KIF26B: variants seen among roughly 807,000 people sequenced by gnomAD.
The protein encoded by KIF26B is kinesin-like protein KIF26B.
A neutral mutation model predicts 151.2 loss-of-function variants in KIF26B; 63 were observed. The observed-to-expected ratio is 0.42, with a 90% confidence interval of 0.34 to 0.51. KIF26B has a LOEUF of 0.51. Among genes scored for constraint, KIF26B ranks in the 20% least tolerant of loss-of-function variants. The pLI is 0.07. For missense variants in KIF26B, 2,813 were observed against 2,913.6 expected, an observed-to-expected ratio of 0.97 and a Z score of 0.79; for synonymous variants, 1,357 against 1,262.1, an observed-to-expected ratio of 1.08 and a Z score of -1.59.
At chr1:245,213,744 C>T (rs544444713) in intron 2 of KIF26B, among the ~76,000 whole-genome samples, 1 of 152,164 alleles carries the variant, frequency 6.6e-6, no homozygotes, top group Non-Finnish European at 1.5e-5. Context: ...TTGTTCTGCC[C>T]GTTCCTTACT....
chr1:245,313,871 A>G (rs1036035734), intron 2 of KIF26B, among the ~76,000 whole-genome samples: 1 of 152,136 alleles, frequency 6.6e-6, no homozygotes, highest in Non-Finnish European at 1.5e-5. Flanking sequence ...ACTGAGGCCC[A>G]TCCTGATTTG....
chr1:245,676,346 T>C (rs2044357280), intron 10 of KIF26B: 1 of 152,214 alleles, frequency 6.6e-6, no homozygotes. Flanking sequence ...GAAGGATAAA[T>C]GAGTAATAAA....
At chr1:245,411,669 C>T (rs1297086443) in intron 3 of KIF26B, among the ~76,000 whole-genome samples, 1 of 152,160 alleles carries the variant, frequency 6.6e-6, no homozygotes, top group Non-Finnish European at 1.5e-5. Flanking sequence ...GACATCTGCT[C>T]CTTAGAGGGA....
rs1410568034 is a variant in KIF26B, at chr1:245,560,880, G to C, written c.1350+19930G>C. On this transcript the variant is annotated intron_variant, in intron 5 of 14. Transcript: ENST00000407071. This position sits in a 1 kb window ranked among gnomAD's most constrained non-coding sequence, Gnocchi z 4.3. ...TGGAGAGAAAAGATTCTGGATTTGGGCGGTCTCACCTCCAAAATTGCAGCC... is the reference window on the plus strand; with the variant it reads ...TGGAGAGAAAAGATTCTGGATTTGGCCGGTCTCACCTCCAAAATTGCAGCC... 6.6e-6 allele frequency among the ~76,000 whole-genome samples: 1 copy of C among 152,176 alleles called. No individual in the cohort carries two copies. Among genetic ancestry groups the C allele is most frequent in the Non-Finnish European group, 1.5e-5 (1 of 68,042 alleles).
At chr1:245,566,381 C>A (rs1166319399) in intron 5 of KIF26B, among the ~76,000 whole-genome samples, 3 of 152,236 alleles carry the variant, frequency 2.0e-5, no homozygotes, top group African/African-American at 7.2e-5. Context: ...ACAGGCTCCT[C>A]ACGGATTTTG....
chr1:245,161,948 G>T (rs12090927), intron 2 of KIF26B, among the ~76,000 whole-genome samples: 19,561 of 152,062 alleles, frequency 0.13, 1,926 homozygotes, highest in African/African-American at 0.28. Flanking sequence ...CTGAGTTGAG[G>T]AATTGTCTTG....
At chr1:245,493,519 C>T (rs182828268) in intron 4 of KIF26B, among the ~76,000 whole-genome samples, 8 of 152,338 alleles carry the variant, frequency 5.3e-5, no homozygotes, top group Non-Finnish European at 1.2e-4. Flanking sequence ...GCCAAGGCAG[C>T]GTGGCAACGG....
At position 245,367,325 on chromosome 1, in the gene KIF26B, G is replaced by C; in HGVS notation, c.957G>C (p.Trp319Cys). 1 of 1,596,172 alleles carries C rather than the reference G, an allele frequency of 6.3e-7. No individual in the cohort carries two copies. The highest frequency in any genetic ancestry group is 8.5e-7 in the Non-Finnish European group (1 of 1,171,462). The change falls in exon 3 of 15, where the codon TGG becomes TGC. Residue 319 changes from tryptophan to cysteine, a missense_variant. This residue lies in a region of KIF26B where 676 missense variants were observed against 688.1 expected (regional missense o/e 0.98). Transcript: ENST00000407071. This position sits in a 1 kb window ranked among gnomAD's most constrained non-coding sequence, Gnocchi z 4.2. ...IQAHQYLDGT[W>C]SLSRTNGVTL... ...CTCACCAGTACCTGGATGGCACCTG[G>C]TCCCTGTCGAGAACCAACGGGGTCA... is the stretch of plus-strand genomic sequence containing the variant.
chr1:245,694,120 GA>G (rs2044659035), intron 12 of KIF26B, among the ~76,000 whole-genome samples: 1 of 152,212 alleles, frequency 6.6e-6, no homozygotes, highest in African/African-American at 2.4e-5. Context: ...GCTCGGCATC[GA>G]GGAGAGCTTT....
intron 1 of KIF26B, 62 bp downstream of exon 1, chr1:245,155,549 T>TA: frequency 7.1e-7 from 1 of 1,416,646 alleles, no homozygotes; most frequent in Non-Finnish European, 9.8e-7. Context: ...GAGGTCCCCC[T>TA]TTCCCCGGGA....
rs1432029709 is a variant in KIF26B, at chr1:245,502,811, G to T, written c.1167-37956G>T. On this transcript the variant is annotated intron_variant, in intron 4 of 14. Coordinates refer to ENST00000407071, the MANE Select transcript of KIF26B (RefSeq NM_018012.4). ...ACCAACTGTTTTGTCATGACAGGGGGATATCTCTGAAAAATTTCTGTATTA... is the reference window on the plus strand; with the variant it reads ...ACCAACTGTTTTGTCATGACAGGGGTATATCTCTGAAAAATTTCTGTATTA... Among the ~76,000 whole-genome samples, 4 of 151,590 alleles carry T rather than the reference G, an allele frequency of 2.6e-5. No individual in the cohort carries two copies. In the East Asian group the frequency reaches 7.7e-4, roughly 29 times the overall value.
At chr1:245,284,067 G>C (rs1267431400) in intron 2 of KIF26B, among the ~76,000 whole-genome samples, 1 of 152,188 alleles carries the variant, frequency 6.6e-6, no homozygotes, top group African/African-American at 2.4e-5. Context: ...TAGCCCATCA[G>C]AGGCAACCAC....
intron 4 of KIF26B, among the ~76,000 whole-genome samples, chr1:245,527,197 G>C (rs1417593823): frequency 6.6e-6 from 1 of 152,216 alleles, no homozygotes; most frequent in African/African-American, 2.4e-5. Context: ...CTTGAAATCA[G>C]ATTATCTGGG....
intron 2 of KIF26B, among the ~76,000 whole-genome samples, chr1:245,294,731 C>T (rs4658746): frequency 0.48 from 72,128 of 151,796 alleles, 17,493 homozygotes; most frequent in East Asian, 0.66. Flanking sequence ...GGCATGATCT[C>T]GGCTCACTGC....
chr1:245,415,086 G>A (rs1467022802), intron 3 of KIF26B, among the ~76,000 whole-genome samples: 3 of 152,164 alleles, frequency 2.0e-5, no homozygotes, highest in Non-Finnish European at 4.4e-5. Context: ...ATAACTTAAT[G>A]TTGTTTCCAA....
chr1:245,521,340 T>TAA (rs5782356), intron 4 of KIF26B, among the ~76,000 whole-genome samples: 10 of 136,222 alleles, frequency 7.3e-5, no homozygotes, highest in African/African-American at 2.8e-4. Context: ...GACTCCGTCT[T>TAA]AAAAAAAAAA....
chr1:245,679,457 G>GTTTT lies in KIF26B; in HGVS notation c.2259-4750_2259-4747dup, dbSNP rs35663208. 3.2e-3 allele frequency among the ~76,000 whole-genome samples: 187 copies of GTTTT among 59,212 alleles called. 23 individuals are homozygous for GTTTT. The highest frequency in any genetic ancestry group is 7.2e-3 in the African/African-American group (122 of 16,832). 38.8% of individuals were successfully genotyped at this position (59,212 alleles called of 152,430 possible). ...GGTTTTTTGTGTTTTTTTTGTGTGT[G>GTTTT]TTTTTTTTTTTTTTTTTTTTTTTTT... is the stretch of plus-strand genomic sequence containing the variant. On this transcript the variant is annotated intron_variant, in intron 10 of 14. Transcript: ENST00000407071.
chr1:245,682,856 G>C (rs1163491892), intron 10 of KIF26B, among the ~76,000 whole-genome samples: 1 of 152,198 alleles, frequency 6.6e-6, no homozygotes, highest in African/African-American at 2.4e-5. Context: ...GCGGCTGTCC[G>C]TGGGTTTCTG....
intron 2 of KIF26B, among the ~76,000 whole-genome samples, chr1:245,222,447 C>G (rs1669794062): frequency 6.6e-6 from 1 of 151,960 alleles, no homozygotes; most frequent in African/African-American, 2.4e-5. Flanking sequence ...CAAAAACAAA[C>G]AAACAAACAA....
Sources: allele counts gnomAD v4.1 joint callset (sites outside exome capture counted in the v4.1 genomes callset), GRCh38; gene constraint gnomAD v4.1.1; regional missense constraint gnomAD v4.1.1; non-coding constraint Gnocchi (gnomAD v3.1); transcripts MANE v1.5; gene names NCBI Gene and HGNC (gene_info 2026-07-23, HGNC 2026-07-21).